MAST1: variants seen among roughly 807,000 people sequenced by gnomAD.
The protein encoded by MAST1 is microtubule associated serine/threonine kinase 1.
A neutral mutation model predicts 124.6 loss-of-function variants in MAST1; 40 were observed. That is an observed-to-expected ratio of 0.32 (90% confidence interval 0.25 to 0.42). The LOEUF is 0.42. Ranked by LOEUF, MAST1 falls within the 10% of genes least tolerant of loss-of-function variation. The pLI, the probability that MAST1 is intolerant of heterozygous loss-of-function variation, is 1.00. For synonymous variants in MAST1, 938 were observed against 939.4 expected, an observed-to-expected ratio of 1.00 and a Z score of 0.03; for missense variants, 1,558 against 2,181.9, an observed-to-expected ratio of 0.71 and a Z score of 5.70.
chr19:12,873,546 G>A (rs1267916392), intron 25 of MAST1, 35 bp downstream of exon 25: 1 of 1,585,444 alleles, frequency 6.3e-7, no homozygotes, highest in East Asian at 2.2e-5. Context: ...GGACCGAGCA[G>A]CGCGGGGTGG....
rs1413612157 is a variant in MAST1, at chr19:12,848,009, G to A, written c.726G>A (p.Thr242=). The A allele has an allele frequency of 3.1e-6, 5 of 1,614,148 alleles. No individual in the cohort carries two copies. The highest frequency in any genetic ancestry group is 1.1e-5 in the South Asian group (1 of 91,064). ...AGTCCCGTGACGGCCTCATCACCAC[G>A]GTCTACTTCTATGAATTGCAGGAGA... ...LTKSRDGLIT[T]VYFYELQENL... The change falls in exon 7 of 26, where the codon ACG becomes ACA. Residue 242 remains threonine, a synonymous_variant. Coordinates refer to ENST00000251472, the MANE Select transcript of MAST1 (RefSeq NM_014975.3).
At chr19:12,845,411 C>CCAAAAA (rs1969880463) in intron 4 of MAST1, among the ~76,000 whole-genome samples, 2 of 69,142 alleles carry the variant, frequency 2.9e-5, no homozygotes, top group African/African-American at 1.2e-4. Flanking sequence ...CCTGTTTCTA[C>CCAAAAA]AAAAAAAAAA....
Position 12,869,195 on chromosome 19 carries a change from T to A in MAST1, c.2903T>A (p.Ile968Asn). 1.2e-6 allele frequency: 2 copies of A among 1,614,146 alleles called. No individual in the cohort carries two copies. Among genetic ancestry groups the A allele is most frequent in the Non-Finnish European group, 1.7e-6 (2 of 1,180,034 alleles). Residue 968 changes from isoleucine (I) to asparagine (N), a missense_variant, in exon 22 of 26, where the codon ATC becomes AAC. Transcript: ENST00000251472. ...GCTGTCAGTGGGCTCCGCTCCCCCATCACCATCCAGCGCTCGGGCAAGAAG... is the reference window on the plus strand; with the variant it reads ...GCTGTCAGTGGGCTCCGCTCCCCCAACACCATCCAGCGCTCGGGCAAGAAG... ...SPAVSGLRSP[I>N]TIQRSGKKYG... is the part of the protein sequence containing the mutation.
chr19:12,858,682 A>G lies in MAST1; in HGVS notation c.1309A>G (p.Met437Val). 1 of 1,614,174 alleles carries G rather than the reference A, an allele frequency of 6.2e-7. No individual in the cohort carries two copies. Among genetic ancestry groups the G allele is most frequent in the Non-Finnish European group, 8.5e-7 (1 of 1,180,030 alleles). ...TFAENPFVVG[M>V]FCSFETRRHL... ...CGCCGAGAACCCGTTTGTGGTCGGCATGTTCTGCTCCTTTGAGACTCGGCG... is the reference window on the plus strand; with the variant it reads ...CGCCGAGAACCCGTTTGTGGTCGGCGTGTTCTGCTCCTTTGAGACTCGGCG... Residue 437 changes from methionine to valine, a missense_variant, in exon 12 of 26, where the codon ATG becomes GTG. Coordinates refer to ENST00000251472, the MANE Select transcript of MAST1 (RefSeq NM_014975.3).
At chr19:12,846,968 G>C (rs963650509) in intron 4 of MAST1, among the ~76,000 whole-genome samples, 2 of 151,930 alleles carry the variant, frequency 1.3e-5, no homozygotes, top group Non-Finnish European at 2.9e-5. Context: ...CCCAGGGCAG[G>C]ATGAGGCAGG....
intron 7 of MAST1, among the ~76,000 whole-genome samples, chr19:12,849,435 GA>G (rs1969934927): frequency 6.6e-6 from 1 of 151,970 alleles, no homozygotes; most frequent in Non-Finnish European, 1.5e-5. Context: ...AGGCTGAGGC[GA>G]GCAGATCACG....
In MAST1 at chr19:12,865,803, G is replaced by A. The variant is rs199933031; in HGVS notation, c.1891G>A (p.Val631Ile). The change falls in exon 16 of 26, where the codon GTC becomes ATC. Residue 631 changes from valine to isoleucine, a missense_variant. Coordinates refer to ENST00000251472, the MANE Select transcript of MAST1 (RefSeq NM_014975.3). The surrounding 1 kb of genome is among the most constrained non-coding windows in gnomAD (Gnocchi z 7.1). Reference protein sequence around the residue: ...ISSLLQTNPLVRLGAGGAFEV... With the variant: ...ISSLLQTNPLIRLGAGGAFEV... ...CAGCCTCCTGCAGACCAACCCTCTG[G>A]TCAGGCTTGGGGCAGGTAAGTCCGC... 15 of 1,613,736 alleles carry A rather than the reference G, an allele frequency of 9.3e-6. No individual in the cohort carries two copies. Among genetic ancestry groups the A allele is most frequent in the Non-Finnish European group, 1.2e-5 (14 of 1,179,878 alleles).
rs555279179 is a variant in MAST1, at chr19:12,840,594, G to T, written c.172+60G>T. The T allele has an allele frequency of 7.6e-4, 962 of 1,267,084 alleles. 11 individuals are homozygous for T. Among genetic ancestry groups the T allele is most frequent in the Non-Finnish European group, 2.8e-5 (25 of 879,788 alleles). 78.5% of individuals were successfully genotyped at this position (1,267,084 alleles called of 1,614,324 possible). A position where few individuals can be genotyped will look rare whatever the true frequency, so the allele number is the denominator to read the frequency against. ...CTGGCCTACAGTAGGCGGGGCCTCA[G>T]GCGAGGAAGCGTGGTCATGCTACAG... On this transcript the variant is annotated intron_variant, in intron 2 of 25. Coordinates refer to ENST00000251472, the MANE Select transcript of MAST1 (RefSeq NM_014975.3).
intron 12 of MAST1, among the ~76,000 whole-genome samples, chr19:12,864,049 C>T (rs140909855): frequency 1.1e-4 from 17 of 151,998 alleles, no homozygotes; most frequent in African/African-American, 3.9e-4. Context: ...CTTAGCCTCC[C>T]GAGTAGCTGG....
At chr19:12,844,930 T>G (rs1969873870) in intron 4 of MAST1, among the ~76,000 whole-genome samples, 1 of 152,116 alleles carries the variant, frequency 6.6e-6, no homozygotes, top group African/African-American at 2.4e-5. Flanking sequence ...CTATAGATAA[T>G]GCACACTAAT....
intron 12 of MAST1, among the ~76,000 whole-genome samples, chr19:12,864,182 T>C (rs1985646): frequency 0.4 from 61,287 of 151,784 alleles, 14,288 homozygotes; most frequent in East Asian, 0.63. Context: ...CCGCCTTGGC[T>C]TCCCAAAGTG....
In MAST1 at chr19:12,874,318, C is replaced by T; in HGVS notation, c.4161C>T (p.Gly1387=). 6.3e-7 allele frequency: 1 copy of T among 1,594,684 alleles called. No homozygotes were observed. The change falls in exon 26 of 26, where the codon GGC becomes GGT. Residue 1387 remains glycine (G), a synonymous_variant. Coordinates refer to ENST00000251472, the MANE Select transcript of MAST1 (RefSeq NM_014975.3). This position sits in a 1 kb window ranked among gnomAD's most constrained non-coding sequence, Gnocchi z 6.6. ...GCCGGACCCTGGAGCGGGACGTCGG[C>T]TGCACGCGGCATCAGAGCGTGCAGA... is the stretch of plus-strand genomic sequence containing the variant. ...PGGRTLERDV[G]CTRHQSVQTE...
At chr19:12,849,242 T>A (rs1969933043) in intron 7 of MAST1, among the ~76,000 whole-genome samples, 1 of 152,100 alleles carries the variant, frequency 6.6e-6, no homozygotes, top group Non-Finnish European at 1.5e-5. Flanking sequence ...TGCTTGAATG[T>A]CCCTTTGCAG....
chr19:12,865,856 T>C lies in MAST1; in HGVS notation c.1906+38T>C. 1 of 1,602,672 alleles carries C rather than the reference T, an allele frequency of 6.2e-7. No individual in the cohort carries two copies. Among genetic ancestry groups the C allele is most frequent in the Non-Finnish European group, 8.5e-7 (1 of 1,172,094 alleles). On this transcript the variant is annotated intron_variant, in intron 16 of 25. Coordinates refer to ENST00000251472, the MANE Select transcript of MAST1 (RefSeq NM_014975.3). This position sits in a 1 kb window ranked among gnomAD's most constrained non-coding sequence, Gnocchi z 7.1. The stretch of plus-strand genomic sequence containing the variant: ...TGCAGAGGAGCTGAGGGCCCACTGA[T>C]AGAGAGCAGGCCTCCAAAACCCCAG...
rs773775861 is a variant in MAST1 at position 12,865,189 on chromosome 19, G to C, written c.1638+11G>C. The stretch of plus-strand genomic sequence containing the variant: ...TTCCTGGACAAACAGGTGTGTGTGC[G>C]GGCATGGGGGTCGCTGAGGGTGGAG... On this transcript the variant is annotated intron_variant, in intron 14 of 25. Coordinates refer to ENST00000251472, the MANE Select transcript of MAST1 (RefSeq NM_014975.3). The surrounding 1 kb of genome is among the most constrained non-coding windows in gnomAD (Gnocchi z 7.1). The C allele has an allele frequency of 1.2e-6, 2 of 1,612,892 alleles. No homozygotes were observed. Among genetic ancestry groups the C allele is most frequent in the Middle Eastern group, 1.7e-4 (1 of 6,056 alleles).
At position 12,851,123 on chromosome 19, in the gene MAST1, C is replaced by T. The variant is rs142305973; in HGVS notation, c.775-811C>T. 1.7e-4 allele frequency among the ~76,000 whole-genome samples: 26 copies of T among 151,822 alleles called. No individual in the cohort carries two copies. The East Asian group carries it at 5.1e-3, about 30-fold the overall frequency. ...GCACTATACCCAGCTAATTTTTGTA[C>T]TTCCAGTAGAGATGGGGTTTTGCCA... On this transcript the variant is annotated intron_variant, in intron 7 of 25. Coordinates refer to ENST00000251472, the MANE Select transcript of MAST1 (RefSeq NM_014975.3).
rs529153449 is a variant in MAST1 at position 12,865,261 on chromosome 19, C to T, written c.1639-55C>T. On this transcript the variant is annotated intron_variant, in intron 14 of 25. Transcript: ENST00000251472. This position sits in a 1 kb window ranked among gnomAD's most constrained non-coding sequence, Gnocchi z 7.1. ...ACCCAGGGCCTGGTGGGGGGCACAG[C>T]TCTCCCTTGAGGGCCCTCCTCTGGC... 3.5e-5 allele frequency: 56 copies of T among 1,583,336 alleles called. No individual in the cohort carries two copies. The African/African-American group carries it at 7.1e-4, about 20-fold the overall frequency.
chr19:12,848,237 G>A, intron 7 of MAST1, 180 bp downstream of exon 7: 1 of 604,916 alleles, frequency 1.7e-6, no homozygotes, highest in Non-Finnish European at 2.9e-6. Context: ...GACTGAAGAG[G>A]CAGGAATTTC....
At position 12,847,202 on chromosome 19, in the gene MAST1, C is replaced by T; in HGVS notation, c.328-88C>T. ...CCTGATCCTGGCCTTGCCCAGTGACCCCATCGGCTTTGGGAGTCCCAGCTC... is the reference window on the plus strand; with the variant it reads ...CCTGATCCTGGCCTTGCCCAGTGACTCCATCGGCTTTGGGAGTCCCAGCTC... On this transcript the variant is annotated intron_variant, in intron 4 of 25. Coordinates refer to ENST00000251472, the MANE Select transcript of MAST1 (RefSeq NM_014975.3). This position sits in a 1 kb window ranked among gnomAD's most constrained non-coding sequence, Gnocchi z 5.5. 1.2e-6 allele frequency: 1 copy of T among 818,056 alleles called. No homozygotes were observed. Among genetic ancestry groups the T allele is most frequent in the South Asian group, 1.6e-5 (1 of 63,582 alleles). 50.7% of individuals were successfully genotyped at this position (818,056 alleles called of 1,614,324 possible). A position where few individuals can be genotyped will look rare whatever the true frequency, so the allele number is the denominator to read the frequency against.
Sources: allele counts gnomAD v4.1 joint callset (sites outside exome capture counted in the v4.1 genomes callset), GRCh38; gene constraint gnomAD v4.1.1; non-coding constraint Gnocchi (gnomAD v3.1); transcripts MANE v1.5; gene names NCBI Gene and HGNC (gene_info 2026-07-23, HGNC 2026-07-21).